The following CD37 variants were observed in gnomAD, a reference collection of about 807,000 sequenced individuals.
CD37 encodes the protein CD37 molecule, also known as leukocyte antigen CD37.
A neutral mutation model predicts 38.9 loss-of-function variants in CD37; 37 were observed. That is an observed-to-expected ratio of 0.95 (90% CI 0.73 to 1.25). The LOEUF (loss-of-function observed/expected upper bound fraction) is 1.25. Among genes scored for constraint, CD37 ranks in the 50% most tolerant of loss-of-function variants. The probability of loss-of-function intolerance (pLI) is 0.00; values close to 1 mark genes in which losing one functional copy is unlikely to be tolerated. For missense variants in CD37, 351 were observed against 360.1 expected (o/e 0.97, Z 0.20); for synonymous variants, 146 against 150.1 (o/e 0.97, Z 0.20).
chr19:49,335,449 T>C lies in CD37; in HGVS notation c.-92T>C. Reference sequence around the variant, plus strand: ...TTTCTCTCTCAGCTCTCCGTCTCTCTTTCTCTCTCAGCCTCTTTCTTTCTC... The same window carrying C: ...TTTCTCTCTCAGCTCTCCGTCTCTCCTTCTCTCTCAGCCTCTTTCTTTCTC... On this transcript the variant is annotated 5_prime_UTR_variant, in exon 1 of 8. Transcript: ENST00000323906. This position sits in a 1 kb window ranked among gnomAD's most constrained non-coding sequence, Gnocchi z 4.6. 1 of 938,528 alleles carries C rather than the reference T, an allele frequency of 1.1e-6. No homozygotes were observed. Among genetic ancestry groups the C allele is most frequent in the Non-Finnish European group, 1.7e-6 (1 of 586,708 alleles). 58.1% of individuals were successfully genotyped at this position (938,528 alleles called of 1,614,324 possible). A position where few individuals can be genotyped will look rare whatever the true frequency, so the allele number is the denominator to read the frequency against.
Position 49,338,670 on chromosome 19 carries a change from C to T in CD37, c.448-30C>T. On this transcript the variant is annotated intron_variant, in intron 5 of 7. Transcript: ENST00000323906. This position sits in a 1 kb window ranked among gnomAD's most constrained non-coding sequence, Gnocchi z 5.0. ...CCCCAACATCATATGTCTCCAGTCC[C>T]GGTCCCTCTGACTCGTATCCCTCTC... The T allele has an allele frequency of 2.0e-6, 3 of 1,520,652 alleles. No homozygotes were observed. The highest frequency in any genetic ancestry group is 2.7e-6 in the Non-Finnish European group (3 of 1,101,786). The allele number at this position is 1,520,652 out of a possible 1,614,324, so 94.2% of individuals were successfully genotyped here. A position where few individuals can be genotyped will look rare whatever the true frequency, so the allele number is the denominator to read the frequency against.
chr19:49,335,524 T>C lies in CD37; in HGVS notation c.-17T>C. ...TCTTCTGTGTGGTGAGTGGACCGCT[T>C]ACCCCACTAGGTGAAGATGTCAGCC... On this transcript the variant is annotated 5_prime_UTR_variant, in exon 1 of 8. Transcript: ENST00000323906. This position sits in a 1 kb window ranked among gnomAD's most constrained non-coding sequence, Gnocchi z 4.6. The C allele has an allele frequency of 6.2e-7, 1 of 1,604,502 alleles. No individual in the cohort carries two copies. Among genetic ancestry groups the C allele is most frequent in the Non-Finnish European group, 8.5e-7 (1 of 1,171,140 alleles).
chr19:49,338,013 A>T lies in CD37; in HGVS notation c.431A>T (p.Asp144Val). Residue 144 changes from aspartate to valine, a missense_variant, in exon 5 of 8, where the codon GAC (aspartate) becomes GTC (valine). By Grantham distance (152) the Asp-to-Val change is radical. Coordinates refer to ENST00000323906, the MANE Select transcript of CD37 (RefSeq NM_001774.3). This position sits in a 1 kb window ranked among gnomAD's most constrained non-coding sequence, Gnocchi z 5.0. The stretch of plus-strand genomic sequence containing the variant: ...GAGACCGCGGCCGAGGAGAGCTGGG[A>T]CTATGTGCAGTTCCAGGTAAGCCCC... ...PEETAAEESW[D>V]YVQFQLRCCG... 7.4e-6 allele frequency: 12 copies of T among 1,613,990 alleles called. No homozygotes were observed. Among genetic ancestry groups the T allele is most frequent in the Non-Finnish European group, 9.3e-6 (11 of 1,179,964 alleles).
Position 49,340,077 on chromosome 19 carries a change from A to G in CD37, c.769-174A>G, listed in dbSNP as rs1667634173. On this transcript the variant is annotated intron_variant, in intron 7 of 7. Coordinates refer to ENST00000323906, the MANE Select transcript of CD37 (RefSeq NM_001774.3). ...TTGTAGCAGCTATTCCCGCCTCATC[A>G]GCCAGCCCTGCGGCAGTTCCCGTCG... The G allele has an allele frequency of 2.9e-5, 44 of 1,525,770 alleles. No homozygotes were observed. In the South Asian group the frequency reaches 5.4e-4, roughly 19 times the overall value. The allele number at this position is 1,525,770 out of a possible 1,614,324, so 94.5% of individuals were successfully genotyped here.
chr19:49,337,900 C>T (rs757795293), intron 4 of CD37, 25 bp from the exon 5 acceptor site: 1 of 1,613,332 alleles, frequency 6.2e-7, no homozygotes, highest in South Asian at 1.1e-5. Context: ...GAAGATAAGG[C>T]CCAGCCTCAC....
chr19:49,338,019 T>A lies in CD37; in HGVS notation c.437T>A (p.Val146Glu). 5 of 1,613,874 alleles carry A rather than the reference T, an allele frequency of 3.1e-6. No homozygotes were observed. Among genetic ancestry groups the A allele is most frequent in the Non-Finnish European group, 4.2e-6 (5 of 1,179,940 alleles). Residue 146 changes from valine (V) to glutamate (E), a missense_variant, in exon 5 of 8, where the codon GTG (valine) becomes GAG (glutamate). By Grantham distance (121) the Val-to-Glu change is moderately radical. Coordinates refer to ENST00000323906, the MANE Select transcript of CD37 (RefSeq NM_001774.3). The surrounding 1 kb of genome is among the most constrained non-coding windows in gnomAD (Gnocchi z 5.0). ...GCGGCCGAGGAGAGCTGGGACTATG[T>A]GCAGTTCCAGGTAAGCCCCCCTCCT... The part of the protein sequence containing the change: ...ETAAEESWDY[V>E]QFQLRCCGWH...
chr19:49,340,265 G>C lies in CD37; in HGVS notation c.783G>C (p.Thr261=), dbSNP rs909374728. The C allele has an allele frequency of 3.8e-5, 62 of 1,613,272 alleles. No homozygotes were observed. Among genetic ancestry groups the C allele is most frequent in the Non-Finnish European group, 4.9e-5 (58 of 1,179,784 alleles). ...GVGLLELGFM[T]LSIFLCRNLD... Reference sequence around the variant, plus strand: ...TTTCTCTATAGCTCGGGTTCATGACGCTCTCGATATTCCTGTGCAGAAACC... The same window carrying C: ...TTTCTCTATAGCTCGGGTTCATGACCCTCTCGATATTCCTGTGCAGAAACC... Residue 261 remains threonine, a synonymous_variant, in exon 8 of 8, where the codon ACG becomes ACC. Transcript: ENST00000323906.
At position 49,339,081 on chromosome 19, in the gene CD37, G is replaced by A; in HGVS notation, c.684+145G>A. 2 of 734,560 alleles carry A rather than the reference G, an allele frequency of 2.7e-6. No homozygotes were observed. The highest frequency in any genetic ancestry group is 1.7e-5 in the South Asian group (1 of 58,904). The allele number at this position is 734,560 out of a possible 1,614,324, so 45.5% of individuals were successfully genotyped here. A position where few individuals can be genotyped will look rare whatever the true frequency, so the allele number is the denominator to read the frequency against. On this transcript the variant is annotated intron_variant, in intron 6 of 7. Transcript: ENST00000323906. This position sits in a 1 kb window ranked among gnomAD's most constrained non-coding sequence, Gnocchi z 4.5. Reference sequence around the variant, plus strand: ...CAGGAGGGGCGGGGCCCTCTGAAGGGGGCGGGGTCTGCAGGAAGGGCAGGG... The same window carrying A: ...CAGGAGGGGCGGGGCCCTCTGAAGGAGGCGGGGTCTGCAGGAAGGGCAGGG...
rs114228102 is a variant in CD37, at chr19:49,335,697, G to C, written c.70-17G>C. The C allele has an allele frequency of 1.2e-5, 19 of 1,613,438 alleles. No individual in the cohort carries two copies. The highest frequency in any genetic ancestry group is 1.6e-5 in the Non-Finnish European group (19 of 1,179,608). ...TCCCCTGTGGCCCACCCCCGTATCC[G>C]CATCTCCTCTCCCCAGGTCCTCGGC... On this transcript the variant is annotated splice_polypyrimidine_tract_variant and intron_variant, in intron 1 of 7. Coordinates refer to ENST00000323906, the MANE Select transcript of CD37 (RefSeq NM_001774.3). This position sits in a 1 kb window ranked among gnomAD's most constrained non-coding sequence, Gnocchi z 4.6.
At position 49,338,696 on chromosome 19, in the gene CD37, C is replaced by A; in HGVS notation, c.448-4C>A. 1 of 1,607,086 alleles carries A rather than the reference C, an allele frequency of 6.2e-7. No homozygotes were observed. Among genetic ancestry groups the A allele is most frequent in the Non-Finnish European group, 8.5e-7 (1 of 1,176,754 alleles). On this transcript the variant is annotated splice_polypyrimidine_tract_variant and splice_region_variant and intron_variant, in intron 5 of 7. Coordinates refer to ENST00000323906, the MANE Select transcript of CD37 (RefSeq NM_001774.3). The surrounding 1 kb of genome is among the most constrained non-coding windows in gnomAD (Gnocchi z 5.0). ...GGTCCCTCTGACTCGTATCCCTCTC[C>A]CAGCTGCGCTGCTGCGGCTGGCACT...
At position 49,339,600 on chromosome 19, in the gene CD37, G is replaced by A. The variant is rs1171264400; in HGVS notation, c.768+187G>A. On this transcript the variant is annotated intron_variant, in intron 7 of 7. Transcript: ENST00000323906. This position sits in a 1 kb window ranked among gnomAD's most constrained non-coding sequence, Gnocchi z 4.5. ...CCCAGCTTCAGGGAGCCCTGATTGGGTGTACGCAGGGAAAGCCTCCTGCTA... is the reference window on the plus strand; with the variant it reads ...CCCAGCTTCAGGGAGCCCTGATTGGATGTACGCAGGGAAAGCCTCCTGCTA... 1.4e-6 allele frequency: 2 copies of A among 1,442,314 alleles called. No individual in the cohort carries two copies. The highest frequency in any genetic ancestry group is 1.8e-6 in the Non-Finnish European group (2 of 1,103,322). 89.3% of individuals were successfully genotyped at this position (1,442,314 alleles called of 1,614,324 possible). A position where few individuals can be genotyped will look rare whatever the true frequency, so the allele number is the denominator to read the frequency against.
Position 49,335,805 on chromosome 19 carries a change from G to T in CD37, c.142+19G>T. The stretch of plus-strand genomic sequence containing the variant: ...TTTGTGGGTGAGGGGGGCTGGGGCA[G>T]GTGGGAGGGCCTCCCCCAACCCAAG... On this transcript the variant is annotated intron_variant, in intron 2 of 7. Transcript: ENST00000323906. The surrounding 1 kb of genome is among the most constrained non-coding windows in gnomAD (Gnocchi z 4.6). The T allele has an allele frequency of 6.3e-7, 1 of 1,594,076 alleles. No individual in the cohort carries two copies. The highest frequency in any genetic ancestry group is 1.1e-5 in the South Asian group (1 of 90,728).
In CD37 at chr19:49,338,920, G is replaced by A; in HGVS notation, c.668G>A (p.Ser223Asn). The A allele has an allele frequency of 1.2e-6, 2 of 1,613,054 alleles. No homozygotes were observed. The highest frequency in any genetic ancestry group is 1.7e-6 in the Non-Finnish European group (2 of 1,179,198). The change falls in exon 6 of 8, where the codon AGC becomes AAC. Residue 223 changes from serine to asparagine, a missense_variant. Transcript: ENST00000323906. This position sits in a 1 kb window ranked among gnomAD's most constrained non-coding sequence, Gnocchi z 5.0. ...SADICAVPAE[S>N]HIYREGCAQG... is the part of the protein sequence containing the mutation. ...GACATCTGCGCTGTCCCTGCAGAGA[G>A]CCACATCTACCGCGAGGTGGGCAGG...
Position 49,338,234 on chromosome 19 carries a change from G to T in CD37, c.447+205G>T. On this transcript the variant is annotated intron_variant, in intron 5 of 7. Coordinates refer to ENST00000323906, the MANE Select transcript of CD37 (RefSeq NM_001774.3). The surrounding 1 kb of genome is among the most constrained non-coding windows in gnomAD (Gnocchi z 5.0). Reference sequence around the variant, plus strand: ...CTCCCAGTACCCAGACCCTGGCGTGGCTTCGCCATCTACCTCGAGAGACTC... The same window carrying T: ...CTCCCAGTACCCAGACCCTGGCGTGTCTTCGCCATCTACCTCGAGAGACTC... The T allele has an allele frequency of 1.4e-6, 2 of 1,419,624 alleles. No homozygotes were observed. The highest frequency in any genetic ancestry group is 1.8e-6 in the Non-Finnish European group (2 of 1,089,414). The allele number at this position is 1,419,624 out of a possible 1,614,324, so 87.9% of individuals were successfully genotyped here. A position where few individuals can be genotyped will look rare whatever the true frequency, so the allele number is the denominator to read the frequency against.
In CD37 at chr19:49,338,390, C is replaced by T. The variant is rs1400978864; in HGVS notation, c.448-310C>T. On this transcript the variant is annotated intron_variant, in intron 5 of 7. Coordinates refer to ENST00000323906, the MANE Select transcript of CD37 (RefSeq NM_001774.3). This position sits in a 1 kb window ranked among gnomAD's most constrained non-coding sequence, Gnocchi z 5.0. ...GCCCCCGATGAGACTCACATGGTCT[C>T]GCACTCCTATTCACCTGTCGGGTAT... 6.6e-6 allele frequency among the ~76,000 whole-genome samples: 1 copy of T among 151,852 alleles called. No homozygotes were observed. The highest frequency in any genetic ancestry group is 2.4e-5 in the African/African-American group (1 of 41,314).
intron 7 of CD37, 200 bp from the exon 8 acceptor site, chr19:49,340,051 C>T: frequency 2.7e-6 from 4 of 1,502,878 alleles, no homozygotes; most frequent in Non-Finnish European, 3.5e-6. Context: ...TCTACCCCCA[C>T]TTGTAGCAGC....
At position 49,339,156 on chromosome 19, in the gene CD37, G is replaced by C. The variant is rs1023223788; in HGVS notation, c.685-174G>C. Among the ~76,000 whole-genome samples the C allele has an allele frequency of 6.6e-6, 1 of 152,086 alleles. No individual in the cohort carries two copies. The highest frequency in any genetic ancestry group is 2.4e-5 in the African/African-American group (1 of 41,408). Reference sequence around the variant, plus strand: ...CTGGAATACAGATGTCTAGGGAGGGGCCAGGCTTGGAAAAGGTGAAGCGAG... The same window carrying C: ...CTGGAATACAGATGTCTAGGGAGGGCCCAGGCTTGGAAAAGGTGAAGCGAG... On this transcript the variant is annotated intron_variant, in intron 6 of 7. Transcript: ENST00000323906. The surrounding 1 kb of genome is among the most constrained non-coding windows in gnomAD (Gnocchi z 4.5).
Position 49,338,658 on chromosome 19 carries a change from T to A in CD37, c.448-42T>A, listed in dbSNP as rs1490494767. ...TTGTCCCCTGATCCCCAACATCATA[T>A]GTCTCCAGTCCCGGTCCCTCTGACT... is the stretch of plus-strand genomic sequence containing the variant. On this transcript the variant is annotated intron_variant, in intron 5 of 7. Transcript: ENST00000323906. This position sits in a 1 kb window ranked among gnomAD's most constrained non-coding sequence, Gnocchi z 5.0. 7.0e-7 allele frequency: 1 copy of A among 1,429,764 alleles called. No homozygotes were observed. The highest frequency in any genetic ancestry group is 9.8e-7 in the Non-Finnish European group (1 of 1,021,612). 88.6% of individuals were successfully genotyped at this position (1,429,764 alleles called of 1,614,324 possible).
rs748929763 is a variant in CD37, at chr19:49,339,413, G to C, written c.768G>C (p.Glu256Asp). ...TTTGCCTGGGCGTCGGCCTACTCGA[G>C]GTGATCTGGCCCCGCCCCCACCCGC... is the stretch of plus-strand genomic sequence containing the variant. Reference protein sequence around the residue: ...VGICLGVGLLELGFMTLSIFL... With the variant: ...VGICLGVGLLDLGFMTLSIFL... Residue 256 changes from glutamate to aspartate, a missense_variant and splice_region_variant, in exon 7 of 8, where the codon GAG (glutamate) becomes GAC (aspartate). Physicochemically the swap from Glu to Asp is conservative, Grantham distance 45 (BLOSUM62 2). Transcript: ENST00000323906. This position sits in a 1 kb window ranked among gnomAD's most constrained non-coding sequence, Gnocchi z 4.5. The C allele has an allele frequency of 6.2e-7, 1 of 1,613,278 alleles. No homozygotes were observed. Among genetic ancestry groups the C allele is most frequent in the Non-Finnish European group, 8.5e-7 (1 of 1,179,574 alleles).
Sources: allele counts gnomAD v4.1 joint callset (sites outside exome capture counted in the v4.1 genomes callset), GRCh38; gene constraint gnomAD v4.1.1; non-coding constraint Gnocchi (gnomAD v3.1); transcripts MANE v1.5; gene names NCBI Gene and HGNC (gene_info 2026-07-23, HGNC 2026-07-21).